The following DZIP1 variants were observed in gnomAD, a reference collection of about 807,000 sequenced individuals.
DZIP1 encodes DAZ interacting zinc finger protein 1.
DZIP1 carries 97 observed loss-of-function variants against 107.6 expected under a neutral mutation model. The ratio of observed to expected loss-of-function variants is 0.90; its 90% CI spans 0.77 to 1.07. DZIP1 has a LOEUF of 1.07. Ranked by LOEUF, DZIP1 falls within the 50% of genes least tolerant of loss-of-function variation. The pLI is 0.00. For missense variants in DZIP1, 1,035 were observed against 1,063.6 expected, an observed-to-expected ratio of 0.97 and a Z score of 0.37; for synonymous variants, 390 against 386.4, an observed-to-expected ratio of 1.01 and a Z score of -0.11.
At chr13:95,600,629 T>C (rs59551515) in intron 14 of DZIP1, among the ~76,000 whole-genome samples, 15,644 of 147,068 alleles carry the variant, frequency 0.11, 904 homozygotes, top group Admixed American at 0.16. Context: ...GATAGATAGA[T>C]AGACAGACAG....
At chr13:95,597,108 C>A (rs1355339736) in intron 15 of DZIP1, among the ~76,000 whole-genome samples, 5 of 152,150 alleles carry the variant, frequency 3.3e-5, no homozygotes, top group Non-Finnish European at 7.4e-5. Context: ...TGTTTGCTGT[C>A]AGTGATTCCA....
intron 9 of DZIP1, among the ~76,000 whole-genome samples, chr13:95,620,793 C>T (rs1393168389): frequency 6.6e-6 from 1 of 152,204 alleles, no homozygotes; most frequent in Non-Finnish European, 1.5e-5. Context: ...GACAACACAA[C>T]TCACAGGACA....
intron 7 of DZIP1, among the ~76,000 whole-genome samples, chr13:95,626,991 C>T (rs2039882567): frequency 6.6e-6 from 1 of 152,094 alleles, no homozygotes; most frequent in Non-Finnish European, 1.5e-5. Flanking sequence ...ACCTTCTTTG[C>T]AGAAATGGAA....
intron 13 of DZIP1, among the ~76,000 whole-genome samples, chr13:95,607,071 A>G (rs2044805133): frequency 6.6e-6 from 1 of 151,982 alleles, no homozygotes; most frequent in Non-Finnish European, 1.5e-5. Flanking sequence ...TAAAAAACAC[A>G]GTTTTACTCC....
chr13:95,589,922 A>G lies in DZIP1; in HGVS notation c.1854T>C (p.Ser618=), dbSNP rs143146766. Residue 618 remains serine, a synonymous_variant, in exon 18 of 23, where the codon AGT becomes AGC. Coordinates refer to ENST00000376829, the MANE Select transcript of DZIP1 (RefSeq NM_198968.4). ...TTGAAAGGGTATCCATTTGAGAAAC[A>G]CTGCACTGATCTGGAATATAGTGTC... ...EKALLSSDQC[S]VSQMDTLSTG... is the part of the protein sequence containing the mutation. 2.7e-5 allele frequency: 44 copies of G among 1,613,902 alleles called. No individual in the cohort carries two copies. The highest frequency in any genetic ancestry group is 3.6e-5 in the Non-Finnish European group (42 of 1,179,936).
At chr13:95,626,046 C>T (rs1876510285) in intron 7 of DZIP1, among the ~76,000 whole-genome samples, 2 of 151,832 alleles carry the variant, frequency 1.3e-5, no homozygotes, top group Non-Finnish European at 2.9e-5. Context: ...GTGGGAGGAC[C>T]ACTTGGACCT....
At chr13:95,607,360 A>G (rs2044815722) in intron 13 of DZIP1, among the ~76,000 whole-genome samples, 2 of 152,274 alleles carry the variant, frequency 1.3e-5, no homozygotes, top group Admixed American at 6.5e-5. Context: ...AGCTACTTCT[A>G]TAGGTATGCA....
chr13:95,633,740 C>T (rs1358559126), intron 5 of DZIP1, among the ~76,000 whole-genome samples: 1 of 150,748 alleles, frequency 6.6e-6, no homozygotes, highest in Non-Finnish European at 1.5e-5. Flanking sequence ...GGCGCTTTCT[C>T]GCTGAACGAT....
rs76429774 is a variant in DZIP1 at position 95,621,255 on chromosome 13, G to C, written c.1110+1088C>G. Among the ~76,000 whole-genome samples, 1,226 of 152,336 alleles carry C rather than the reference G, an allele frequency of 8.0e-3. 20 individuals are homozygous for C. The highest frequency in any genetic ancestry group is 0.028 in the African/African-American group (1,148 of 41,556). ...AAAGACAGAAGGGCATGTTCTGAGAGGCATGGGCTGCTGGGCCGCTGGAGT... is the reference window on the plus strand; with the variant it reads ...AAAGACAGAAGGGCATGTTCTGAGACGCATGGGCTGCTGGGCCGCTGGAGT... On this transcript the variant is annotated intron_variant, in intron 9 of 22. Coordinates refer to ENST00000376829, the MANE Select transcript of DZIP1 (RefSeq NM_198968.4).
At chr13:95,606,206 C>T (rs2044769985) in intron 13 of DZIP1, 147 bp from the exon 14 acceptor site, 1 of 643,022 alleles carries the variant, frequency 1.6e-6, no homozygotes. Context: ...AGATATTACA[C>T]AACTAACATA....
intron 12 of DZIP1, 26 bp from the exon 13 acceptor site, chr13:95,609,539 C>A (rs1555308627): frequency 7.8e-6 from 12 of 1,542,856 alleles, no homozygotes; most frequent in South Asian, 2.5e-5. Context: ...AATAAATGAA[C>A]AAAAAACATC....
intron 6 of DZIP1, among the ~76,000 whole-genome samples, chr13:95,631,119 G>A (rs1877142063): frequency 6.6e-6 from 1 of 152,092 alleles, no homozygotes; most frequent in Non-Finnish European, 1.5e-5. Context: ...CAGGTACTGA[G>A]TATATAAGCC....
rs1440516308 is a variant in DZIP1 at position 95,635,218 on chromosome 13, T to A, written c.598-1897A>T. ...ATTTCCTTTTTTTTTTTTTTTTTTT[T>A]AAGTGTCTCCCTCTGTCACCCAGGC... On this transcript the variant is annotated intron_variant, in intron 5 of 22. Coordinates refer to ENST00000376829, the MANE Select transcript of DZIP1 (RefSeq NM_198968.4). Among the ~76,000 whole-genome samples, 648 of 101,664 alleles carry A rather than the reference T, an allele frequency of 6.4e-3. 9 individuals are homozygous for A. Among genetic ancestry groups the A allele is most frequent in the African/African-American group, 0.02 (617 of 31,180 alleles). The allele number at this position is 101,664 out of a possible 152,430, so 66.7% of individuals were successfully genotyped here. A position where few individuals can be genotyped will look rare whatever the true frequency, so the allele number is the denominator to read the frequency against.
At chr13:95,640,855 TG>T (rs138712313) in intron 5 of DZIP1, among the ~76,000 whole-genome samples, 1,599 of 152,262 alleles carry the variant, frequency 0.011, 27 homozygotes, top group African/African-American at 0.036. Flanking sequence ...GAAGGGCGCA[TG>T]AAAATTCCTT....
Position 95,579,621 on chromosome 13 carries a change from C to T in DZIP1, c.*2613G>A, listed in dbSNP as rs1202795239. 2.6e-5 allele frequency: 4 copies of T among 151,748 alleles called. No homozygotes were observed. Among genetic ancestry groups the T allele is most frequent in the South Asian group, 2.1e-4 (1 of 4,822 alleles). The allele number at this position is 151,748 out of a possible 1,614,324, so 9.4% of individuals were successfully genotyped here. On this transcript the variant is annotated 3_prime_UTR_variant, in exon 23 of 23. Coordinates refer to ENST00000376829, the MANE Select transcript of DZIP1 (RefSeq NM_198968.4). ...AGAAACTGTCCGATATGAATCACAA[C>T]GTGGGTGAATGTAGTATTTTCCTGA...
rs2044415692 is a variant in DZIP1 at position 95,595,265 on chromosome 13, GT to G, written c.1538-1180del. Among the ~76,000 whole-genome samples, 5 of 152,214 alleles carry G rather than the reference GT, an allele frequency of 3.3e-5. No individual in the cohort carries two copies. The South Asian group carries it at 1.0e-3, about 32-fold the overall frequency. On this transcript the variant is annotated intron_variant, in intron 15 of 22. Transcript: ENST00000376829. ...AACAAAATGCCTTTTTGTTTAAGAT[GT>G]TTTCTAAACACCAGTTCAATTCCCA...
rs2043973558 is a variant in DZIP1, at chr13:95,578,709, G to C, written c.*3525C>G. Reference sequence around the variant, plus strand: ...ATGTATGCAGAGAGTTACGTAGCAGGGGATGTTCTCTGATTTATTCCACTG... The same window carrying C: ...ATGTATGCAGAGAGTTACGTAGCAGCGGATGTTCTCTGATTTATTCCACTG... On this transcript the variant is annotated 3_prime_UTR_variant, in exon 23 of 23. Coordinates refer to ENST00000376829, the MANE Select transcript of DZIP1 (RefSeq NM_198968.4). 1 of 152,144 alleles carries C rather than the reference G, an allele frequency of 6.6e-6. No individual in the cohort carries two copies. The highest frequency in any genetic ancestry group is 2.1e-4 in the South Asian group (1 of 4,824). 9.4% of individuals were successfully genotyped at this position (152,144 alleles called of 1,614,324 possible). A position where few individuals can be genotyped will look rare whatever the true frequency, so the allele number is the denominator to read the frequency against.
intron 5 of DZIP1, among the ~76,000 whole-genome samples, chr13:95,633,960 C>G (rs1877505241): frequency 6.6e-6 from 1 of 152,112 alleles, no homozygotes; most frequent in Non-Finnish European, 1.5e-5. Flanking sequence ...AAAATAAAAC[C>G]AGGGCATTCC....
chr13:95,581,341 G>GT lies in DZIP1; in HGVS notation c.*892dup, dbSNP rs2044008578. ...TAATACATGTTGGGTATTTTAAATA[G>GT]TAAAAAAAAACATACATATGTGAAT... On this transcript the variant is annotated 3_prime_UTR_variant, in exon 23 of 23. Transcript: ENST00000376829. 1 of 152,256 alleles carries GT rather than the reference G, an allele frequency of 6.6e-6. No homozygotes were observed. The highest frequency in any genetic ancestry group is 2.4e-5 in the African/African-American group (1 of 41,422). The allele number at this position is 152,256 out of a possible 1,614,324, so 9.4% of individuals were successfully genotyped here.
Sources: gnomAD v4.1 joint callset for allele counts (sites outside exome capture counted in the v4.1 genomes callset) on GRCh38, gnomAD v4.1.1 for gene constraint, MANE v1.5 for transcripts, NCBI Gene and HGNC (gene_info 2026-07-23, HGNC 2026-07-21) for gene names.